Variants in SHANK2 observed in about 807,000 individuals in gnomAD.
SHANK2 encodes the protein SH3 and multiple ankyrin repeat domains protein 2.
SHANK2 carries 43 observed loss-of-function variants against 133.7 expected under a neutral mutation model. The observed-to-expected ratio is 0.32, with a 90% CI of 0.25 to 0.41. The LOEUF (loss-of-function observed/expected upper bound fraction) is 0.41, where lower values mean the gene tolerates loss of function less well. Ranked by LOEUF, SHANK2 falls within the 10% of genes least tolerant of loss-of-function variation. The pLI is 1.00. For synonymous variants in SHANK2, 1,017 were observed against 952.8 expected, an observed-to-expected ratio of 1.07 and a Z score of -1.24; for missense variants, 1,994 against 2,235.8, an observed-to-expected ratio of 0.89 and a Z score of 2.18.
intron 17 of SHANK2, among the ~76,000 whole-genome samples, chr11:70,530,086 C>T (rs1554972887): frequency 6.6e-6 from 1 of 152,220 alleles, no homozygotes; most frequent in African/African-American, 2.4e-5. Flanking sequence ...AATGCAGGGA[C>T]TCAAGCAGAT....
At chr11:71,089,463 A>G (rs1951467424) in intron 8 of SHANK2, among the ~76,000 whole-genome samples, 1 of 148,930 alleles carries the variant, frequency 6.7e-6, no homozygotes. Flanking sequence ...GTGTGTGTGT[A>G]ATTTATGTTC....
intron 14 of SHANK2, among the ~76,000 whole-genome samples, chr11:70,720,679 A>C (rs529683529): frequency 2.0e-5 from 3 of 152,390 alleles, no homozygotes; most frequent in Admixed American, 2.0e-4. Context: ...CAGGAATGAC[A>C]GGTGGGACTG....
At chr11:71,104,067 T>C (rs925852500) in intron 6 of SHANK2, among the ~76,000 whole-genome samples, 1 of 151,972 alleles carries the variant, frequency 6.6e-6, no homozygotes, top group Non-Finnish European at 1.5e-5. Flanking sequence ...CTAGAGCCAA[T>C]TAAACCTCTT....
chr11:70,849,715 T>A (rs782815090), intron 11 of SHANK2, among the ~76,000 whole-genome samples: 6 of 152,196 alleles, frequency 3.9e-5, no homozygotes, highest in Non-Finnish European at 7.3e-5. Flanking sequence ...AAAAAAAATA[T>A]GCAAACAGCA....
In SHANK2 at chr11:71,087,740, C is replaced by T. The variant is rs1020485036; in HGVS notation, c.912+4682G>A. 1.9e-3 allele frequency among the ~76,000 whole-genome samples: 285 copies of T among 152,188 alleles called. 2 individuals are homozygous for T. Among genetic ancestry groups the T allele is most frequent in the African/African-American group, 6.0e-3 (251 of 41,504 alleles). ...GCCTGCTGGGTTCAAGCGATTTGCA[C>T]GCCTCAGCCGCTCAAGTAGCTGGAA... On this transcript the variant is annotated intron_variant, in intron 8 of 25. Transcript: ENST00000601538.
At chr11:71,147,534 C>G (rs1952681034) in intron 2 of SHANK2, among the ~76,000 whole-genome samples, 196 bp from the exon 3 acceptor site, 1 of 152,224 alleles carries the variant, frequency 6.6e-6, no homozygotes, top group South Asian at 2.1e-4. Flanking sequence ...GTCGGCACCG[C>G]CTGCTCCTCC....
chr11:71,196,876 T>C (rs2135602640), intron 2 of SHANK2, among the ~76,000 whole-genome samples: 2 of 151,436 alleles, frequency 1.3e-5, no homozygotes, highest in Admixed American at 1.3e-4. Flanking sequence ...CGGGCGCCTA[T>C]AATCCCAGCT....
At chr11:70,533,727 G>A (rs556125314) in intron 17 of SHANK2, among the ~76,000 whole-genome samples, 3 of 152,066 alleles carry the variant, frequency 2.0e-5, no homozygotes, top group South Asian at 2.1e-4. Context: ...TGTTGTGCAA[G>A]CACCACCTCT....
intron 17 of SHANK2, among the ~76,000 whole-genome samples, chr11:70,619,502 G>A (rs2060801540): frequency 6.6e-6 from 1 of 152,190 alleles, no homozygotes; most frequent in Non-Finnish European, 1.5e-5. Flanking sequence ...GCCCCCCTAA[G>A]CGATCCGTGA....
chr11:70,893,624 C>T (rs1949886309), intron 11 of SHANK2, among the ~76,000 whole-genome samples: 1 of 152,208 alleles, frequency 6.6e-6, no homozygotes, highest in Non-Finnish European at 1.5e-5. Flanking sequence ...TAATCACGAA[C>T]CCTTAGATGA....
intron 17 of SHANK2, among the ~76,000 whole-genome samples, chr11:70,551,913 G>A (rs1043049071): frequency 1.3e-5 from 2 of 152,206 alleles, no homozygotes; most frequent in Admixed American, 6.5e-5. Context: ...GCTGGGGAGC[G>A]AGACTCTCTA....
At chr11:70,502,994 C>A in intron 17 of SHANK2, 63 bp from the exon 18 acceptor site, 1 of 1,586,286 alleles carries the variant, frequency 6.3e-7, no homozygotes, top group Non-Finnish European at 8.7e-7. Context: ...AGTTGGCACC[C>A]ACCCAAGGCA....
At chr11:70,711,360 G>A (rs904335352) in intron 14 of SHANK2, among the ~76,000 whole-genome samples, 5 of 152,344 alleles carry the variant, frequency 3.3e-5, no homozygotes, top group Non-Finnish European at 5.9e-5. Flanking sequence ...TGCCGTCTCC[G>A]CAGGTTTTAA....
intron 17 of SHANK2, among the ~76,000 whole-genome samples, chr11:70,556,393 TTCTC>T (rs1157375439): frequency 0.11 from 1,348 of 11,948 alleles, 12 homozygotes; most frequent in Non-Finnish European, 0.2. Context: ...CTTTCTTTCT[TTCTC>T]TCTCTCTCTC....
chr11:70,886,133 GCT>G (rs1949740505), intron 11 of SHANK2, among the ~76,000 whole-genome samples: 1 of 152,118 alleles, frequency 6.6e-6, no homozygotes, highest in Non-Finnish European at 1.5e-5. Context: ...GACTTGCACA[GCT>G]CACTCGGTCC....
intron 2 of SHANK2, among the ~76,000 whole-genome samples, chr11:71,223,345 GCCTT>G (rs1165921012): frequency 3.9e-5 from 6 of 152,222 alleles, no homozygotes; most frequent in African/African-American, 7.2e-5. Context: ...CACAGCAACA[GCCTT>G]CCATATGCGT....
In SHANK2 at chr11:70,468,334, A is replaced by G. The variant is rs976161159; in HGVS notation, c.*4535T>C. The stretch of plus-strand genomic sequence containing the variant: ...ACAGGAACGATAAACAAAATCACCA[A>G]TACAGCATGGATTAGAAATCAAAGT... On this transcript the variant is annotated 3_prime_UTR_variant, in exon 26 of 26. Coordinates refer to ENST00000601538, the MANE Select transcript of SHANK2 (RefSeq NM_012309.5). 9 of 152,222 alleles carry G rather than the reference A, an allele frequency of 5.9e-5. No individual in the cohort carries two copies. Among genetic ancestry groups the G allele is most frequent in the African/African-American group, 2.2e-4 (9 of 41,450 alleles). 9.4% of individuals were successfully genotyped at this position (152,222 alleles called of 1,614,324 possible). A position where few individuals can be genotyped will look rare whatever the true frequency, so the allele number is the denominator to read the frequency against.
rs913786164 is a variant in SHANK2 at position 70,487,072 on chromosome 11, A to G, written c.3221T>C (p.Val1074Ala). The G allele has an allele frequency of 2.5e-6, 4 of 1,609,408 alleles. No homozygotes were observed. Among genetic ancestry groups the G allele is most frequent in the Middle Eastern group, 1.7e-4 (1 of 6,058 alleles). Residue 1074 changes from valine (V) to alanine (A), a missense_variant, in exon 25 of 26, where the codon GTC (valine) becomes GCC (alanine). Around this residue, in one of 5 missense-constraint regions of SHANK2, gnomAD observed 488 missense variants for 642.6 expected, o/e 0.76. Coordinates refer to ENST00000601538, the MANE Select transcript of SHANK2 (RefSeq NM_012309.5). This position sits in a 1 kb window ranked among gnomAD's most constrained non-coding sequence, Gnocchi z 5.8. The stretch of plus-strand genomic sequence containing the variant: ...GATGGCGGCGGCAAAGGGGCTGCTG[A>G]CGGTCAGGCTTTCGTCAGGCCGCAG... The part of the protein sequence containing the change: ...SQLRPDESLT[V>A]SSPFAAAIAG...
At chr11:71,061,976 T>TTC (rs1950993740) in intron 9 of SHANK2, among the ~76,000 whole-genome samples, 1 of 146,446 alleles carries the variant, frequency 6.8e-6, no homozygotes, top group Non-Finnish European at 1.5e-5. Context: ...TCTTTCTTTT[T>TTC]TTTTTTTTTT....
Sources: allele counts gnomAD v4.1 joint callset (sites outside exome capture counted in the v4.1 genomes callset), GRCh38; gene constraint gnomAD v4.1.1; regional missense constraint gnomAD v4.1.1; non-coding constraint Gnocchi (gnomAD v3.1); transcripts MANE v1.5; gene names NCBI Gene and HGNC (gene_info 2026-07-23, HGNC 2026-07-21).